TENM3: variants seen among roughly 807,000 people sequenced by gnomAD.
The protein encoded by TENM3 is teneurin-3.
In TENM3, 63 loss-of-function variants were observed where a neutral mutation model predicts 255.1. That is an observed-to-expected ratio of 0.25 (90% CI 0.20 to 0.30). TENM3 has a LOEUF of 0.30. Ranked by LOEUF, TENM3 falls within the 10% of genes least tolerant of loss-of-function variation. TENM3 has a pLI of 1.00. For missense variants in TENM3, 2,929 were observed against 3,461.1 expected (o/e 0.85, Z 3.86); for synonymous variants, 1,306 against 1,322.3 (o/e 0.99, Z 0.27).
intron 3 of TENM3, among the ~76,000 whole-genome samples, chr4:182,414,140 A>C (rs1054040908): frequency 6.6e-6 from 1 of 152,234 alleles, no homozygotes; most frequent in Non-Finnish European, 1.5e-5. Context: ...CAAATAAATT[A>C]ATTTCTTCCT....
the TENM3 span, among the ~76,000 whole-genome samples, chr4:182,057,414 T>TC: frequency 6.6e-6 from 1 of 150,464 alleles, no homozygotes; most frequent in African/African-American, 2.4e-5. Context: ...TTTTCTTTTT[T>TC]TTTTTTTTTT....
the TENM3 span, among the ~76,000 whole-genome samples, chr4:181,502,279 T>G: frequency 6.6e-6 from 1 of 152,052 alleles, no homozygotes; most frequent in Non-Finnish European, 1.5e-5. Context: ...TGATAGTGAT[T>G]GTTAATGTTG....
At chr4:182,507,720 T>G (rs930146894) in intron 3 of TENM3, among the ~76,000 whole-genome samples, 1 of 152,218 alleles carries the variant, frequency 6.6e-6, no homozygotes, top group Non-Finnish European at 1.5e-5. Flanking sequence ...TCTGGAAGTC[T>G]TCCACTTTTG....
chr4:181,748,942 G>A, the TENM3 span, among the ~76,000 whole-genome samples: 1 of 152,108 alleles, frequency 6.6e-6, no homozygotes, highest in African/African-American at 2.4e-5. Flanking sequence ...TGCTAAATAA[G>A]ACACATAAGT....
At chr4:182,217,431 G>A (rs13152065) in intron 1 of TENM3, among the ~76,000 whole-genome samples, 28,765 of 152,046 alleles carry the variant, frequency 0.19, 2,917 homozygotes, top group Non-Finnish European at 0.21. Context: ...ATAGGATATG[G>A]CATGTTTCTG....
intron 2 of TENM3, among the ~76,000 whole-genome samples, chr4:182,341,924 GC>G (rs1442616060): frequency 6.6e-6 from 1 of 152,110 alleles, no homozygotes; most frequent in Non-Finnish European, 1.5e-5. Flanking sequence ...TATATTTTAA[GC>G]CCTCATTGCG....
the TENM3 span, among the ~76,000 whole-genome samples, chr4:181,847,952 C>CAAGAAA: frequency 1.3e-5 from 2 of 152,184 alleles, no homozygotes; most frequent in South Asian, 4.1e-4. Context: ...AATGTCGGTC[C>CAAGAAA]TTGTTTATAC....
Position 182,799,900 on chromosome 4 carries a change from T to G in TENM3, c.7649T>G (p.Ile2550Ser). Residue 2550 changes from isoleucine to serine, a missense_variant, in exon 28 of 28, where the codon ATC becomes AGC. Physicochemically the swap from Ile to Ser is moderately radical, Grantham distance 142 (BLOSUM62 -2). This residue lies in a region of TENM3 where 476 missense variants were observed against 480.1 expected (regional missense o/e 0.99). Transcript: ENST00000511685. The surrounding 1 kb of genome is among the most constrained non-coding windows in gnomAD (Gnocchi z 4.2). ...TIEGKDTHYF[I>S]KTTTPESDLG... Reference sequence around the variant, plus strand: ...GAGGGCAAGGACACGCACTACTTCATCAAGACCACCACGCCCGAGAGCGAC... The same window carrying G: ...GAGGGCAAGGACACGCACTACTTCAGCAAGACCACCACGCCCGAGAGCGAC... 1 of 1,609,176 alleles carries G rather than the reference T, an allele frequency of 6.2e-7. No homozygotes were observed.
chr4:182,082,247 GT>G, the TENM3 span, among the ~76,000 whole-genome samples: 1 of 152,140 alleles, frequency 6.6e-6, no homozygotes, highest in African/African-American at 2.4e-5. Flanking sequence ...TTCTCTCCAT[GT>G]CCTCACATGG....
intron 1 of TENM3, among the ~76,000 whole-genome samples, chr4:182,206,415 G>C (rs1458253624): frequency 1.3e-5 from 2 of 152,174 alleles, no homozygotes; most frequent in Non-Finnish European, 2.9e-5. Flanking sequence ...TTATGGGCCA[G>C]GGGGCTGCTG....
intron 1 of TENM3, among the ~76,000 whole-genome samples, chr4:182,187,688 A>G (rs1214082935): frequency 6.6e-6 from 1 of 152,150 alleles, no homozygotes; most frequent in Non-Finnish European, 1.5e-5. Flanking sequence ...AGAAAAGAAA[A>G]GCTCTTAAGT....
At chr4:181,569,612 G>A in the TENM3 span, among the ~76,000 whole-genome samples, 1 of 152,112 alleles carries the variant, frequency 6.6e-6, no homozygotes, top group African/African-American at 2.4e-5. Context: ...AATCTGAAAG[G>A]TGTACTAACC....
chr4:181,707,821 A>T, the TENM3 span, among the ~76,000 whole-genome samples: 1 of 152,352 alleles, frequency 6.6e-6, no homozygotes, highest in South Asian at 2.1e-4. Flanking sequence ...CAAACAGAAA[A>T]TTAGCATATA....
At chr4:182,720,766 C>CTTTTTTTTT (rs11369655) in intron 13 of TENM3, among the ~76,000 whole-genome samples, 8,934 of 128,680 alleles carry the variant, frequency 0.069, 402 homozygotes, top group Non-Finnish European at 0.1. Context: ...AGTCTCCCCT[C>CTTTTTTTTT]TTTTTTTTTT....
the TENM3 span, among the ~76,000 whole-genome samples, chr4:181,504,721 G>T: frequency 6.6e-6 from 1 of 152,156 alleles, no homozygotes; most frequent in Non-Finnish European, 1.5e-5. Context: ...AAATGGCAAC[G>T]CACTTACCTT....
chr4:181,794,666 C>CTATGTG, the TENM3 span, among the ~76,000 whole-genome samples: 3 of 142,998 alleles, frequency 2.1e-5, no homozygotes, highest in Admixed American at 1.4e-4. Flanking sequence ...AATAATATCC[C>CTATGTG]TGTGTGTGTG....
chr4:181,695,741 G>A, the TENM3 span, among the ~76,000 whole-genome samples: 3 of 152,254 alleles, frequency 2.0e-5, no homozygotes, highest in East Asian at 3.9e-4. Context: ...TGTTAACAAA[G>A]TACTTCGTTA....
At chr4:181,707,299 T>C in the TENM3 span, among the ~76,000 whole-genome samples, 1 of 152,200 alleles carries the variant, frequency 6.6e-6, no homozygotes, top group East Asian at 1.9e-4. Flanking sequence ...GTTTGAATAG[T>C]TATTTTCTGC....
chr4:182,647,800 A>G (rs1039151221), intron 5 of TENM3, among the ~76,000 whole-genome samples: 8 of 152,178 alleles, frequency 5.3e-5, no homozygotes, highest in Non-Finnish European at 7.3e-5. Context: ...TGGAATCACC[A>G]TATTGTTTTC....
Sources: allele counts gnomAD v4.1 joint callset (sites outside exome capture counted in the v4.1 genomes callset), GRCh38; gene constraint gnomAD v4.1.1; regional missense constraint gnomAD v4.1.1; non-coding constraint Gnocchi (gnomAD v3.1); transcripts MANE v1.5; gene names NCBI Gene and HGNC (gene_info 2026-07-23, HGNC 2026-07-21).